The following REDIC1 variants were observed in gnomAD, a reference collection of about 807,000 sequenced individuals.
REDIC1 encodes the protein HEI10 Interacting Protein 1.
the REDIC1 span, among the ~76,000 whole-genome samples, chr12:39,711,741 G>T: frequency 8.1e-6 from 1 of 122,828 alleles, no homozygotes; most frequent in African/African-American, 3.0e-5. Context: ...GTGTGTATGT[G>T]TGTATACACA....
the REDIC1 span, among the ~76,000 whole-genome samples, chr12:39,838,441 T>C: frequency 6.8e-6 from 1 of 147,240 alleles, no homozygotes; most frequent in Non-Finnish European, 1.5e-5. Flanking sequence ...TGTATACATA[T>C]GTAACTAACC....
chr12:39,900,765 A>G, the REDIC1 span, among the ~76,000 whole-genome samples: 1 of 152,226 alleles, frequency 6.6e-6, no homozygotes, highest in Non-Finnish European at 1.5e-5. Context: ...CATACTGCCC[A>G]AGGTAATTTA....
chr12:39,667,741 TG>T, the REDIC1 span, among the ~76,000 whole-genome samples: 3 of 152,226 alleles, frequency 2.0e-5, no homozygotes, highest in Non-Finnish European at 4.4e-5. Flanking sequence ...TTTGTGAATC[TG>T]GGCGCTCCTG....
At chr12:39,667,324 AC>A in the REDIC1 span, among the ~76,000 whole-genome samples, 2 of 152,120 alleles carry the variant, frequency 1.3e-5, no homozygotes, top group Non-Finnish European at 2.9e-5. Flanking sequence ...TTCTTTATGT[AC>A]CCAGTAGTCA....
At chr12:39,810,252 T>A in the REDIC1 span, among the ~76,000 whole-genome samples, 1 of 152,244 alleles carries the variant, frequency 6.6e-6, no homozygotes, top group Non-Finnish European at 1.5e-5. Context: ...AGTGATCCTG[T>A]TATTTCTTGC....
the REDIC1 span, among the ~76,000 whole-genome samples, chr12:39,799,065 G>GTT: frequency 3.1e-5 from 4 of 129,208 alleles, no homozygotes; most frequent in African/African-American, 8.6e-5. Flanking sequence ...TACTGTTCTG[G>GTT]TTTTTTTTTT....
At chr12:39,812,394 C>CTTTTCTTT in the REDIC1 span, among the ~76,000 whole-genome samples, 2 of 102,552 alleles carry the variant, frequency 2.0e-5, no homozygotes, top group African/African-American at 9.3e-5. Flanking sequence ...TTCTTTCTCT[C>CTTTTCTTT]TCTCTTTCTT....
chr12:39,860,266 C>T, the REDIC1 span, among the ~76,000 whole-genome samples: 1 of 152,190 alleles, frequency 6.6e-6, no homozygotes, highest in African/African-American at 2.4e-5. Context: ...AATTAGGTTA[C>T]ATTTAAGGCC....
At chr12:39,762,082 A>T in the REDIC1 span, among the ~76,000 whole-genome samples, 1 of 152,044 alleles carries the variant, frequency 6.6e-6, no homozygotes. Context: ...CCGTTTTACA[A>T]AATCTGAGGA....
chr12:39,746,970 T>C, the REDIC1 span, among the ~76,000 whole-genome samples: 1 of 151,974 alleles, frequency 6.6e-6, no homozygotes, highest in Non-Finnish European at 1.5e-5. Flanking sequence ...ACCACAAAGA[T>C]GGGGAAAAAA....
At chr12:39,713,775 G>C in the REDIC1 span, among the ~76,000 whole-genome samples, 3 of 147,838 alleles carry the variant, frequency 2.0e-5, no homozygotes, top group Non-Finnish European at 4.5e-5. Context: ...ATATATATTT[G>C]TACGTAAATA....
chr12:39,749,804 C>G, the REDIC1 span, among the ~76,000 whole-genome samples: 2 of 152,104 alleles, frequency 1.3e-5, no homozygotes, highest in African/African-American at 4.8e-5. Flanking sequence ...TAAACAGAAC[C>G]AAAGACAAAA....
chr12:39,748,382 T>C, the REDIC1 span, among the ~76,000 whole-genome samples: 1 of 152,334 alleles, frequency 6.6e-6, no homozygotes, highest in South Asian at 2.1e-4. Context: ...ATCTTAAATA[T>C]ATATGCACCC....
chr12:39,877,885 T>C, the REDIC1 span, among the ~76,000 whole-genome samples: 5 of 152,206 alleles, frequency 3.3e-5, no homozygotes. Context: ...AGTGCTGAGG[T>C]AGGGCATGGT....
At chr12:39,694,985 A>G in the REDIC1 span, among the ~76,000 whole-genome samples, 2 of 152,098 alleles carry the variant, frequency 1.3e-5, no homozygotes, top group Non-Finnish European at 2.9e-5. Context: ...TGACATTTCT[A>G]GACACTCCTT....
the REDIC1 span, among the ~76,000 whole-genome samples, chr12:39,886,758 A>C: frequency 8.5e-5 from 13 of 152,228 alleles, no homozygotes; most frequent in Non-Finnish European, 1.5e-4. Context: ...TAGAGAAACA[A>C]AAAGAATAAC....
the REDIC1 span, among the ~76,000 whole-genome samples, chr12:39,712,116 GTATATATACC>G: frequency 1.2e-5 from 1 of 83,210 alleles, no homozygotes; most frequent in Non-Finnish European, 2.6e-5. Flanking sequence ...ATATATACCT[GTATATATACC>G]TGTATGTACA....
chr12:39,841,454 T>A, the REDIC1 span, among the ~76,000 whole-genome samples: 1 of 151,894 alleles, frequency 6.6e-6, no homozygotes, highest in African/African-American at 2.4e-5. Context: ...CCAGTGGGGG[T>A]TAAGTGTTTT....
At chr12:39,876,537 T>C in the REDIC1 span, among the ~76,000 whole-genome samples, 1 of 152,086 alleles carries the variant, frequency 6.6e-6, no homozygotes, top group Non-Finnish European at 1.5e-5. Flanking sequence ...AATAATTATA[T>C]TAAAAAACAC....
Sources: gnomAD v4.1 joint callset for allele counts (sites outside exome capture counted in the v4.1 genomes callset) on GRCh38, gnomAD v4.1.1 for gene constraint, MANE v1.5 for transcripts, NCBI Gene and HGNC (gene_info 2026-07-23, HGNC 2026-07-21) for gene names.